The following PRUNE2 variants were observed in gnomAD, a reference collection of about 807,000 sequenced individuals.
The protein encoded by PRUNE2 is prune homolog 2 with BCH domain.
Under a neutral mutation model 252.0 loss-of-function variants are expected in PRUNE2, and 164 were observed. The ratio of observed to expected loss-of-function variants is 0.65; its 90% confidence interval spans 0.57 to 0.74. PRUNE2 has a LOEUF of 0.74. PRUNE2 is among the 30% of genes least tolerant of loss of function. The pLI is 0.00. For missense variants in PRUNE2, 3,495 were observed against 3,711.0 expected (o/e 0.94, Z 1.51); for synonymous variants, 1,292 against 1,350.2 (o/e 0.96, Z 0.94).
At chr9:76,766,246 A>T (rs565339439) in intron 6 of PRUNE2, among the ~76,000 whole-genome samples, 2 of 151,484 alleles carry the variant, frequency 1.3e-5, no homozygotes, top group East Asian at 3.9e-4. Flanking sequence ...TTTGATTTTT[A>T]CAAACTAGCT....
intron 6 of PRUNE2, among the ~76,000 whole-genome samples, chr9:76,783,149 T>G (rs2054604123): frequency 6.6e-6 from 1 of 152,192 alleles, no homozygotes; most frequent in Non-Finnish European, 1.5e-5. Context: ...GTTTGTTTGT[T>G]TTTTGGAAAC....
chr9:76,817,307 T>C (rs1474791004), intron 6 of PRUNE2, among the ~76,000 whole-genome samples: 1 of 152,230 alleles, frequency 6.6e-6, no homozygotes, highest in African/African-American at 2.4e-5. Context: ...ATTTGGGTCC[T>C]GGCTCTACAG....
At chr9:76,811,706 A>G (rs1052505507) in intron 6 of PRUNE2, among the ~76,000 whole-genome samples, 4 of 152,208 alleles carry the variant, frequency 2.6e-5, no homozygotes, top group African/African-American at 9.6e-5. Context: ...AAATTTATTC[A>G]AAAATGCTTT....
At chr9:76,870,520 C>T (rs941786043) in intron 1 of PRUNE2, among the ~76,000 whole-genome samples, 1 of 151,852 alleles carries the variant, frequency 6.6e-6, no homozygotes, top group Admixed American at 6.6e-5. Flanking sequence ...CCCGTCTCTA[C>T]TAAAAATACA....
intron 9 of PRUNE2, among the ~76,000 whole-genome samples, chr9:76,703,043 C>A (rs115881791): frequency 0.013 from 1,957 of 152,180 alleles, 40 homozygotes; most frequent in African/African-American, 0.043. Flanking sequence ...TCCTTGTATT[C>A]CCAACTGCCT....
rs1308295231 is a variant in PRUNE2, at chr9:76,823,689, C to T, written c.699G>A (p.Lys233=). The change falls in exon 6 of 19, where the codon AAG becomes AAA. Residue 233 remains lysine (K), a synonymous_variant. Coordinates refer to ENST00000376718, the MANE Select transcript of PRUNE2 (RefSeq NM_015225.3). Reference sequence around the variant, plus strand: ...CTTTTATTTCTCCATCTGACAGCTCCTTTAGATCTTTCAACATTGTCTGTT... The same window carrying T: ...CTTTTATTTCTCCATCTGACAGCTCTTTTAGATCTTTCAACATTGTCTGTT... ...SIEQTMLKDL[K]ELSDGEIKVA... 6.2e-7 allele frequency: 1 copy of T among 1,611,390 alleles called. No homozygotes were observed. Among genetic ancestry groups the T allele is most frequent in the Non-Finnish European group, 8.5e-7 (1 of 1,177,812 alleles).
chr9:76,901,203 G>A (rs1235030248), intron 1 of PRUNE2, among the ~76,000 whole-genome samples: 1 of 152,170 alleles, frequency 6.6e-6, no homozygotes, highest in Non-Finnish European at 1.5e-5. Flanking sequence ...ATCTGGCAGT[G>A]AGAAATGAAG....
chr9:76,800,158 G>A (rs1326365689), intron 6 of PRUNE2, among the ~76,000 whole-genome samples: 3 of 151,972 alleles, frequency 2.0e-5, no homozygotes, highest in African/African-American at 7.3e-5. Context: ...CCATTAACTC[G>A]TCATTTACAT....
chr9:76,726,405 A>G (rs2048104888), intron 6 of PRUNE2, among the ~76,000 whole-genome samples: 1 of 152,220 alleles, frequency 6.6e-6, no homozygotes, highest in African/African-American at 2.4e-5. Context: ...GCACACGCAC[A>G]TACATTCTAA....
chr9:76,866,744 G>A (rs2132950443), intron 1 of PRUNE2, among the ~76,000 whole-genome samples: 1 of 148,224 alleles, frequency 6.7e-6, no homozygotes, highest in Non-Finnish European at 1.5e-5. Context: ...GGAAGGAAGT[G>A]GGTAAGAAAG....
chr9:76,638,392 G>A (rs1323559777), intron 12 of PRUNE2, 104 bp from the exon 13 acceptor site: 2 of 738,008 alleles, frequency 2.7e-6, no homozygotes, highest in East Asian at 5.4e-5. Context: ...GTGTCTTTGT[G>A]GGTATATTAG....
chr9:76,712,063 C>T (rs1373718352), intron 7 of PRUNE2, among the ~76,000 whole-genome samples: 2 of 152,026 alleles, frequency 1.3e-5, no homozygotes, highest in Admixed American at 6.6e-5. Context: ...AATGGCCCCA[C>T]GGGATTAGTA....
chr9:76,889,918 C>T lies in PRUNE2; in HGVS notation c.36+16010G>A, dbSNP rs537935511. On this transcript the variant is annotated intron_variant, in intron 1 of 18. Transcript: ENST00000376718. ...AGAGCCTGTTAGAAGTGCAAAATCC[C>T]GGGTTCTACCCCAAAGTGTACTGAA... Among the ~76,000 whole-genome samples the T allele has an allele frequency of 6.6e-5, 10 of 152,320 alleles. No individual in the cohort carries two copies. The South Asian group carries it at 1.4e-3, about 22-fold the overall frequency.
intron 9 of PRUNE2, among the ~76,000 whole-genome samples, chr9:76,691,254 T>C (rs2044692908): frequency 6.6e-6 from 1 of 152,224 alleles, no homozygotes; most frequent in Admixed American, 6.5e-5. Flanking sequence ...ATGGAGATTA[T>C]GCCCCCTTTC....
At position 76,708,322 on chromosome 9, in the gene PRUNE2, C is replaced by T. The variant is rs1406548726; in HGVS notation, c.3952G>A (p.Gly1318Ser). 6.2e-7 allele frequency: 1 copy of T among 1,613,860 alleles called. No homozygotes were observed. The highest frequency in any genetic ancestry group is 8.5e-7 in the Non-Finnish European group (1 of 1,179,888). The change falls in exon 8 of 19, where the codon GGT (glycine) becomes AGT (serine). Residue 1318 changes from glycine to serine, a missense_variant. Physicochemically the swap from Gly to Ser is moderately conservative, Grantham distance 56. Coordinates refer to ENST00000376718, the MANE Select transcript of PRUNE2 (RefSeq NM_015225.3). Reference protein sequence around the residue: ...GYFPHPDPWKGHGDGQSESEK... With the variant: ...GYFPHPDPWKSHGDGQSESEK... ...CTTTCACTTTGTCCATCGCCATGAC[C>T]TTTCCATGGATCTGGGTGTGGAAAA... is the stretch of plus-strand genomic sequence containing the variant.
intron 6 of PRUNE2, among the ~76,000 whole-genome samples, chr9:76,815,071 G>A (rs888284377): frequency 1.2e-4 from 19 of 152,184 alleles, no homozygotes; most frequent in African/African-American, 4.1e-4. Flanking sequence ...GCCAAGGAGA[G>A]TCAGTGGAGA....
intron 1 of PRUNE2, among the ~76,000 whole-genome samples, chr9:76,876,547 AC>A (rs2061487039): frequency 6.6e-6 from 1 of 151,818 alleles, no homozygotes; most frequent in African/African-American, 2.4e-5. Context: ...TTTCTGTGCT[AC>A]TCGGGGCTCC....
At chr9:76,793,966 AC>A (rs1269731146) in intron 6 of PRUNE2, among the ~76,000 whole-genome samples, 1 of 152,178 alleles carries the variant, frequency 6.6e-6, no homozygotes, top group African/African-American at 2.4e-5. Context: ...TTATGAACTT[AC>A]CCAGTAAGGG....
chr9:76,882,899 G>A (rs2061873253), intron 1 of PRUNE2, among the ~76,000 whole-genome samples: 1 of 152,124 alleles, frequency 6.6e-6, no homozygotes, highest in African/African-American at 2.4e-5. Flanking sequence ...TGGTACAGTG[G>A]GAGATAAAAA....
Sources: allele counts gnomAD v4.1 joint callset (sites outside exome capture counted in the v4.1 genomes callset), GRCh38; gene constraint gnomAD v4.1.1; transcripts MANE v1.5; gene names NCBI Gene and HGNC (gene_info 2026-07-23, HGNC 2026-07-21).